PARD3B: variants seen among roughly 807,000 people sequenced by gnomAD.
PARD3B encodes the protein par-3 family cell polarity regulator beta, also known as partitioning defective 3 homolog B.
Under a neutral mutation model 130.2 loss-of-function variants are expected in PARD3B, and 103 were observed. The ratio of observed to expected loss-of-function variants is 0.79; its 90% CI spans 0.67 to 0.93. PARD3B has a LOEUF of 0.93. PARD3B is among the 40% of genes least tolerant of loss of function. The pLI, the probability that PARD3B is intolerant of heterozygous loss-of-function variation, is 0.00. For synonymous variants in PARD3B, 583 were observed against 553.2 expected (o/e 1.05, Z -0.76); for missense variants, 1,609 against 1,499.2 (o/e 1.07, Z -1.21).
chr2:205,388,640 T>C (rs2045745636), intron 18 of PARD3B, among the ~76,000 whole-genome samples: 1 of 152,236 alleles, frequency 6.6e-6, no homozygotes, highest in Non-Finnish European at 1.5e-5. Context: ...GATATTATGC[T>C]GCTGGAGAAT....
intron 4 of PARD3B, among the ~76,000 whole-genome samples, chr2:205,099,035 A>G (rs1702577866): frequency 6.6e-6 from 1 of 152,152 alleles, no homozygotes; most frequent in Admixed American, 6.5e-5. Flanking sequence ...TGAAAGTGGT[A>G]AAGGGCAAAC....
At chr2:205,581,387 A>ATATATATAAATATATATATAAG (rs1395974658) in intron 22 of PARD3B, among the ~76,000 whole-genome samples, 1 of 80,588 alleles carries the variant, frequency 1.2e-5, no homozygotes, top group African/African-American at 3.9e-5. Flanking sequence ...GTATATATAA[A>ATATATATAAATATATATATAAG]TATATATAAA....
intron 21 of PARD3B, among the ~76,000 whole-genome samples, chr2:205,535,983 C>T (rs148563985): frequency 2.0e-5 from 3 of 152,182 alleles, no homozygotes; most frequent in African/African-American, 2.4e-5. Context: ...AGGATTGAGA[C>T]GTAATCAAGG....
intron 22 of PARD3B, among the ~76,000 whole-genome samples, chr2:205,607,628 G>T (rs1239345478): frequency 6.6e-6 from 1 of 152,188 alleles, no homozygotes; most frequent in East Asian, 1.9e-4. Context: ...TTGGGAACAT[G>T]CTGCTGTGCT....
intron 2 of PARD3B, among the ~76,000 whole-genome samples, chr2:204,830,430 A>G (rs977822168): frequency 4.2e-4 from 64 of 152,336 alleles, no homozygotes; most frequent in African/African-American, 1.4e-3. Context: ...AGCTATATTA[A>G]GATACCTTCA....
intron 4 of PARD3B, among the ~76,000 whole-genome samples, chr2:205,060,323 T>C (rs1699994131): frequency 1.3e-5 from 2 of 152,172 alleles, no homozygotes; most frequent in Admixed American, 6.6e-5. Flanking sequence ...TCAGACTGTT[T>C]ACACAATTTA....
At chr2:204,823,929 G>C (rs898694215) in intron 2 of PARD3B, among the ~76,000 whole-genome samples, 3 of 142,316 alleles carry the variant, frequency 2.1e-5, no homozygotes, top group Non-Finnish European at 3.0e-5. Context: ...ACCAAAGTGA[G>C]ACTCAGTCTC....
chr2:205,009,588 G>A (rs1048274662), intron 3 of PARD3B, among the ~76,000 whole-genome samples: 41 of 151,620 alleles, frequency 2.7e-4, no homozygotes, highest in African/African-American at 8.0e-4. Flanking sequence ...GGAGAATGGC[G>A]TGAACCCGGG....
intron 22 of PARD3B, among the ~76,000 whole-genome samples, chr2:205,573,561 A>C (rs754767723): frequency 2.0e-5 from 3 of 152,210 alleles, no homozygotes; most frequent in Non-Finnish European, 4.4e-5. Flanking sequence ...AAGACTACAT[A>C]ATTCCTAGAA....
chr2:205,266,323 A>G (rs573581299), intron 16 of PARD3B, among the ~76,000 whole-genome samples: 119 of 152,262 alleles, frequency 7.8e-4, no homozygotes, highest in African/African-American at 2.8e-3. Flanking sequence ...TTCAAGATGC[A>G]GTTGTATTTT....
chr2:205,235,098 A>G (rs1324435189), intron 15 of PARD3B, among the ~76,000 whole-genome samples: 2 of 152,152 alleles, frequency 1.3e-5, no homozygotes, highest in Non-Finnish European at 2.9e-5. Flanking sequence ...AAAGATTTCA[A>G]ATAAATGACC....
chr2:204,676,311 G>A (rs2036541211), intron 1 of PARD3B, among the ~76,000 whole-genome samples: 4 of 151,768 alleles, frequency 2.6e-5, no homozygotes. Context: ...TGAATTTTCA[G>A]GCTACATGGC....
intron 1 of PARD3B, among the ~76,000 whole-genome samples, chr2:204,569,138 G>A (rs1477120648): frequency 6.6e-6 from 1 of 152,154 alleles, no homozygotes; most frequent in Non-Finnish European, 1.5e-5. Context: ...CTCACCTGAG[G>A]TCAGGGGAAG....
intron 16 of PARD3B, among the ~76,000 whole-genome samples, chr2:205,250,025 G>A (rs566919944): frequency 6.6e-6 from 1 of 151,554 alleles, no homozygotes; most frequent in South Asian, 2.1e-4. Flanking sequence ...TTAGGATCCA[G>A]AGAAAATGAC....
chr2:205,574,710 A>G lies in PARD3B; in HGVS notation c.3260+21307A>G, dbSNP rs867986199. Among the ~76,000 whole-genome samples, 3 of 152,104 alleles carry G rather than the reference A, an allele frequency of 2.0e-5. 1 individual carries two copies. In the South Asian group the frequency reaches 6.2e-4, roughly 32 times the overall value. ...CAGGAGACAAAGCCCTTCCCTTCAC[A>G]GTTAAAGAGTTCAAAAATGAGAATT... On this transcript the variant is annotated intron_variant, in intron 22 of 22. Transcript: ENST00000406610.
At chr2:205,103,868 A>C (rs1398265154) in intron 4 of PARD3B, 1 of 369,180 alleles carries the variant, frequency 2.7e-6, no homozygotes, top group Non-Finnish European at 3.7e-6. Context: ...TTTAGAAATT[A>C]AATAGGCAAT....
intron 1 of PARD3B, among the ~76,000 whole-genome samples, chr2:204,643,125 A>AAAAAAAAAAAAAAAAAAAAAAAAC: frequency 7.0e-6 from 1 of 142,598 alleles, no homozygotes; most frequent in Non-Finnish European, 1.5e-5. Context: ...CAAAAAAAAA[A>AAAAAAAAAAAAAAAAAAAAAAAAC]AAAAAAAAAA....
Position 204,727,388 on chromosome 2 carries a change from T to C in PARD3B, c.222+41106T>C, listed in dbSNP as rs528733898. ...GCAGTCAGCTATATAGGAGACTACA[T>C]GTCGATGTCTAGTTTCTAAGCATGG... On this transcript the variant is annotated intron_variant, in intron 2 of 22. Coordinates refer to ENST00000406610, the MANE Select transcript of PARD3B (RefSeq NM_001302769.2). Among the ~76,000 whole-genome samples the C allele has an allele frequency of 2.0e-5, 3 of 152,324 alleles. No individual in the cohort carries two copies. In the South Asian group the frequency reaches 6.2e-4, roughly 32 times the overall value.
chr2:205,400,649 A>T (rs1033126040), intron 18 of PARD3B, among the ~76,000 whole-genome samples: 4 of 152,072 alleles, frequency 2.6e-5, no homozygotes, highest in East Asian at 1.9e-4. Context: ...CTCAAAAAAA[A>T]AAAATAAAAA....
Sources: gnomAD v4.1 joint callset for allele counts (sites outside exome capture counted in the v4.1 genomes callset) on GRCh38, gnomAD v4.1.1 for gene constraint, MANE v1.5 for transcripts, NCBI Gene and HGNC (gene_info 2026-07-23, HGNC 2026-07-21) for gene names.